Variants in IL4I1 observed in about 807,000 individuals in gnomAD.
The protein encoded by IL4I1 is interleukin 4 induced 1.
A neutral mutation model predicts 29.7 loss-of-function variants in IL4I1; 24 were observed. That is an observed-to-expected ratio of 0.81 (90% CI 0.59 to 1.14). The LOEUF (loss-of-function observed/expected upper bound fraction) is 1.14. Ranked by LOEUF, IL4I1 falls within the 50% of genes most tolerant of loss-of-function variation. IL4I1 has a pLI of 0.00. For synonymous variants in IL4I1, 371 were observed against 352.5 expected (o/e 1.05, Z -0.59); for missense variants, 686 against 785.6 (o/e 0.87, Z 1.52).
At chr19:49,926,806 G>C (rs2075902446) in intron 2 of IL4I1, among the ~76,000 whole-genome samples, 1 of 151,442 alleles carries the variant, frequency 6.6e-6, no homozygotes, top group African/African-American at 2.4e-5. Context: ...CTAACTGCTC[G>C]ACACGGATTA....
rs2075364515 is a variant in IL4I1 at position 49,908,143 on chromosome 19, A to G, written c.-227-3822T>C. On this transcript the variant is annotated intron_variant, in intron 2 of 9. Coordinates refer to the IL4I1 transcript ENST00000341114. ...AGTCATGTGAAAGAAAGAAACAAACAAACAAGTATCTTGCCACAACCCCAA... is the reference window on the plus strand; with the variant it reads ...AGTCATGTGAAAGAAAGAAACAAACGAACAAGTATCTTGCCACAACCCCAA... 3 of 1,536,206 alleles carry G rather than the reference A, an allele frequency of 2.0e-6. No homozygotes were observed. The African/African-American group carries it at 4.1e-5, about 21-fold the overall frequency.
intron 2 of IL4I1, among the ~76,000 whole-genome samples, chr19:49,924,975 C>T (rs1429343078): frequency 6.6e-6 from 1 of 152,162 alleles, no homozygotes; most frequent in Admixed American, 6.5e-5. Context: ...AAATTACCCA[C>T]ACCGGGCCAG....
chr19:49,906,078 T>C (rs557435661), intron 2 of IL4I1, among the ~76,000 whole-genome samples: 2 of 152,172 alleles, frequency 1.3e-5, no homozygotes, highest in East Asian at 3.9e-4. Context: ...TTCCAGTCCA[T>C]AGAGCGAGGC....
Position 49,895,199 on chromosome 19 carries a change from C to A in IL4I1, c.253-19G>T. ...TGGTGACCTGAGGGAGTCCGTGGGG[C>A]GAGGAGGGCCCTTCAGCTCCACCCA... On this transcript the variant is annotated intron_variant, in intron 3 of 7. Transcript: ENST00000391826. 1.3e-6 allele frequency: 2 copies of A among 1,599,452 alleles called. No homozygotes were observed. The highest frequency in any genetic ancestry group is 1.1e-5 in the South Asian group (1 of 90,614).
intron 3 of IL4I1, among the ~76,000 whole-genome samples, chr19:49,895,613 C>T (rs966545540): frequency 9.9e-5 from 15 of 152,184 alleles, no homozygotes; most frequent in African/African-American, 3.6e-4. Context: ...AAACGTGGGA[C>T]AGGAAAGTCT....
upstream of IL4I1, chr19:49,901,836 T>C: frequency 1.7e-6 from 1 of 583,420 alleles, no homozygotes; most frequent in Non-Finnish European, 2.8e-6. Context: ...GAAAGGCAGG[T>C]CCCCCTTTCT....
rs916243083 is a variant in IL4I1 at position 49,921,782 on chromosome 19, C to A, written c.-228+5912G>T. On this transcript the variant is annotated intron_variant, in intron 2 of 9. Coordinates refer to the IL4I1 transcript ENST00000341114. The surrounding 1 kb of genome is among the most constrained non-coding windows in gnomAD (Gnocchi z 5.4). The stretch of plus-strand genomic sequence containing the variant: ...CGCAGCTCCGACCATGACCATCCAT[C>A]CTATGAGTGCTGGCTGGGCTCAAGC... Among the ~76,000 whole-genome samples, 4 of 152,202 alleles carry A rather than the reference C, an allele frequency of 2.6e-5. No homozygotes were observed. The highest frequency in any genetic ancestry group is 7.2e-5 in the African/African-American group (3 of 41,460).
Position 49,895,148 on chromosome 19 carries a change from C to T in IL4I1, c.285G>A (p.Gly95=), listed in dbSNP as rs1446395445. 1 of 1,613,842 alleles carries T rather than the reference C, an allele frequency of 6.2e-7. No individual in the cohort carries two copies. Among genetic ancestry groups the T allele is most frequent in the South Asian group, 1.1e-5 (1 of 91,090 alleles). ...VTILEADNRI[G]GRIFTYRDQN... ...GGTCCCGGTAGGTGAAGATGCGGCC[C>T]CCGATCCTGTTATCTGCCTCCAGGA... Residue 95 remains glycine, a synonymous_variant, in exon 4 of 8, where the codon GGG becomes GGA. Coordinates refer to ENST00000391826, the MANE Select transcript of IL4I1 (RefSeq NM_152899.2).
At chr19:49,890,842 C>T (rs2075125774) in intron 7 of IL4I1, 129 bp downstream of exon 7, 1 of 876,722 alleles carries the variant, frequency 1.1e-6, no homozygotes, top group East Asian at 2.7e-5. Flanking sequence ...CCCTTAGCCC[C>T]GCGACCATCA....
At chr19:49,891,529 C>G in intron 5 of IL4I1, 56 bp from the exon 6 acceptor site, 2 of 1,504,356 alleles carry the variant, frequency 1.3e-6, no homozygotes, top group Non-Finnish European at 1.9e-6. Flanking sequence ...AGGGTGGAGG[C>G]CGGGCCTGGA....
At chr19:49,897,378 G>A (rs1374947197), upstream of IL4I1, among the ~76,000 whole-genome samples, 1 of 152,140 alleles carries the variant, frequency 6.6e-6, no homozygotes, top group East Asian at 1.9e-4. Context: ...TCCGTTACAT[G>A]GGTGTAGCAG....
At chr19:49,894,046 G>A (rs1162788812) in intron 5 of IL4I1, among the ~76,000 whole-genome samples, 1 of 145,540 alleles carries the variant, frequency 6.9e-6, no homozygotes, top group African/African-American at 2.5e-5. Flanking sequence ...ATGTGTAGAA[G>A]CCCCTGGGCT....
chr19:49,924,624 T>A (rs945798909), intron 2 of IL4I1, among the ~76,000 whole-genome samples: 1 of 152,122 alleles, frequency 6.6e-6, no homozygotes, highest in Non-Finnish European at 1.5e-5. Context: ...GGCCAGGACA[T>A]GAGTCCTGAA....
At position 49,895,949 on chromosome 19, in the gene IL4I1, G is replaced by A. The variant is rs1314419636; in HGVS notation, c.118C>T (p.Pro40Ser). Residue 40 changes from proline (P) to serine (S), a missense_variant, in exon 3 of 8, where the codon CCT becomes TCT. Pro to Ser is a moderately conservative substitution (Grantham distance 74). Coordinates refer to ENST00000391826, the MANE Select transcript of IL4I1 (RefSeq NM_152899.2). ...QDPFEKCMQD[P>S]DYEQLLKVVT... ...ACCTTGAGCAGCTGCTCATAGTCAG[G>A]ATCCTGCATGCATTTCTCGAAGGGG... is the stretch of plus-strand genomic sequence containing the variant. The A allele has an allele frequency of 6.2e-7, 1 of 1,614,200 alleles. No individual in the cohort carries two copies. The highest frequency in any genetic ancestry group is 2.2e-5 in the East Asian group (1 of 44,882).
At chr19:49,917,512 G>T (rs1421117211) in intron 2 of IL4I1, 1 of 152,318 alleles carries the variant, frequency 6.6e-6, no homozygotes, top group Non-Finnish European at 1.5e-5. Context: ...CAAGGCAGAT[G>T]CTCAAGCGGT....
chr19:49,919,904 T>C (rs2075722926), intron 2 of IL4I1, among the ~76,000 whole-genome samples: 1 of 152,154 alleles, frequency 6.6e-6, no homozygotes, highest in African/African-American at 2.4e-5. Flanking sequence ...GAAAGTTTTT[T>C]CCCCTCTACC....
rs1374496539 is a variant in IL4I1 at position 49,921,294 on chromosome 19, C to T, written c.-228+6400G>A. 6.6e-6 allele frequency among the ~76,000 whole-genome samples: 1 copy of T among 152,266 alleles called. No individual in the cohort carries two copies. The highest frequency in any genetic ancestry group is 1.9e-4 in the East Asian group (1 of 5,174). On this transcript the variant is annotated intron_variant, in intron 2 of 9. Transcript: ENST00000341114. This position sits in a 1 kb window ranked among gnomAD's most constrained non-coding sequence, Gnocchi z 5.4. ...AAGGGCTGGCCCAGGTGTCTGGCCC[C>T]ACAGCTGAGCTCCTAACCGCACCGA... is the stretch of plus-strand genomic sequence containing the variant.
intron 1 of IL4I1, chr19:49,929,192 CCG>C: frequency 1.3e-5 from 2 of 152,940 alleles, no homozygotes; most frequent in Non-Finnish European, 2.9e-5. Flanking sequence ...TCCCCAGTCC[CCG>C]GGGCCGCCTC....
chr19:49,913,543 T>C (rs2075537596), intron 2 of IL4I1, among the ~76,000 whole-genome samples: 1 of 152,142 alleles, frequency 6.6e-6, no homozygotes. Flanking sequence ...CCGCCACTGC[T>C]CCGTAAGCGT....
Sources: gnomAD v4.1 joint callset for allele counts (sites outside exome capture counted in the v4.1 genomes callset) on GRCh38, gnomAD v4.1.1 for gene constraint, Gnocchi (gnomAD v3.1) non-coding constraint, MANE v1.5 for transcripts, NCBI Gene and HGNC (gene_info 2026-07-23, HGNC 2026-07-21) for gene names.